P2RX3: variants seen among roughly 807,000 people sequenced by gnomAD.
P2RX3 encodes the protein P2X purinoceptor 3.
P2RX3 carries 41 observed loss-of-function variants against 51.5 expected under a neutral mutation model. The ratio of observed to expected loss-of-function variants is 0.80; its 90% CI spans 0.62 to 1.03. P2RX3 has a LOEUF of 1.03. Among genes scored for constraint, P2RX3 ranks in the 50% least tolerant of loss-of-function variants. The probability of loss-of-function intolerance (pLI) is 0.00; values close to 1 mark genes in which losing one functional copy is unlikely to be tolerated. For synonymous variants in P2RX3, 185 were observed against 191.6 expected, an observed-to-expected ratio of 0.97 and a Z score of 0.29; for missense variants, 459 against 522.1, an observed-to-expected ratio of 0.88 and a Z score of 1.18.
intron 3 of P2RX3, 39 bp from the exon 4 acceptor site, chr11:57,347,376 A>C: frequency 6.4e-7 from 1 of 1,552,218 alleles, no homozygotes; most frequent in Non-Finnish European, 8.7e-7. Flanking sequence ...CCAGGCCAGG[A>C]CAGTGTCCTT....
In P2RX3 at chr11:57,370,012, G is replaced by A. The variant is rs771201831; in HGVS notation, c.*15G>A. 11 of 1,579,882 alleles carry A rather than the reference G, an allele frequency of 7.0e-6. No individual in the cohort carries two copies. Among genetic ancestry groups the A allele is most frequent in the Non-Finnish European group, 9.6e-6 (11 of 1,150,214 alleles). On this transcript the variant is annotated 3_prime_UTR_variant, in exon 12 of 12. Transcript: ENST00000263314. ...TAGGCCACTAGGGCCTCTTTCCAGG[G>A]CCCCACACTCACAAAGGCTCCAGGC...
intron 1 of P2RX3, among the ~76,000 whole-genome samples, chr11:57,345,436 G>C (rs757955368): frequency 3.9e-5 from 6 of 152,160 alleles, no homozygotes; most frequent in South Asian, 4.1e-4. Context: ...TATGTTTCTC[G>C]GGGAGGGAGG....
chr11:57,354,416 T>G (rs1856595741), intron 8 of P2RX3, among the ~76,000 whole-genome samples: 1 of 152,176 alleles, frequency 6.6e-6, no homozygotes, highest in South Asian at 2.1e-4. Flanking sequence ...CATCTGGATT[T>G]CTAGCAGACA....
At position 57,370,110 on chromosome 11, in the gene P2RX3, C is replaced by A; in HGVS notation, c.*113C>A. ...GGGCTCTCATTTCTGCTGCTCATTC[C>A]ATGAGCATAGCTGGGACCCAAGTGT... is the stretch of plus-strand genomic sequence containing the variant. On this transcript the variant is annotated 3_prime_UTR_variant, in exon 12 of 12. Coordinates refer to ENST00000263314, the MANE Select transcript of P2RX3 (RefSeq NM_002559.5). 13 of 755,944 alleles carry A rather than the reference C, an allele frequency of 1.7e-5. No individual in the cohort carries two copies. Among genetic ancestry groups the A allele is most frequent in the Non-Finnish European group, 2.4e-5 (11 of 453,940 alleles). The allele number at this position is 755,944 out of a possible 1,614,324, so 46.8% of individuals were successfully genotyped here.
chr11:57,362,293 T>C (rs554866818), intron 8 of P2RX3, among the ~76,000 whole-genome samples: 1 of 152,252 alleles, frequency 6.6e-6, no homozygotes, highest in African/African-American at 2.4e-5. Flanking sequence ...ATAAGGCAGG[T>C]GGACTGGGCC....
chr11:57,349,723 C>A (rs766618388), intron 6 of P2RX3, 34 bp from the exon 7 acceptor site: 1 of 1,613,694 alleles, frequency 6.2e-7, no homozygotes, highest in South Asian at 1.1e-5. Context: ...TTCCCATGAA[C>A]CCTGGGCTGA....
chr11:57,360,614 A>G (rs1466429022), intron 8 of P2RX3, among the ~76,000 whole-genome samples: 1 of 150,136 alleles, frequency 6.7e-6, no homozygotes, highest in African/African-American at 2.5e-5. Flanking sequence ...AACATGGTGA[A>G]CCCCTGTCTC....
chr11:57,346,375 A>G (rs533181510), intron 1 of P2RX3, among the ~76,000 whole-genome samples, 169 bp from the exon 2 acceptor site: 2 of 152,238 alleles, frequency 1.3e-5, no homozygotes, highest in African/African-American at 2.4e-5. Context: ...GAGAAACGCT[A>G]TTCTAAGTCA....
At position 57,356,197 on chromosome 11, in the gene P2RX3, A is replaced by G. The variant is rs190257184; in HGVS notation, c.842+5299A>G. 2.0e-5 allele frequency among the ~76,000 whole-genome samples: 3 copies of G among 152,298 alleles called. No homozygotes were observed. The East Asian group carries it at 5.8e-4, about 29-fold the overall frequency. On this transcript the variant is annotated intron_variant, in intron 8 of 11. Coordinates refer to ENST00000263314, the MANE Select transcript of P2RX3 (RefSeq NM_002559.5). ...AACTTGCCTGAGATTATACAGCCTA[A>G]TTAAGAGGCACATCAGGACTCAAAC...
At chr11:57,367,545 AC>A (rs1856815430) in intron 8 of P2RX3, among the ~76,000 whole-genome samples, 1 of 152,138 alleles carries the variant, frequency 6.6e-6, no homozygotes, top group Non-Finnish European at 1.5e-5. Flanking sequence ...ACATGGTGAA[AC>A]CCTGTCTCTA....
chr11:57,362,219 G>A (rs1856731265), intron 8 of P2RX3, among the ~76,000 whole-genome samples: 1 of 152,228 alleles, frequency 6.6e-6, no homozygotes, highest in African/African-American at 2.4e-5. Flanking sequence ...TTCAGGAAAT[G>A]CAGGAAGGCA....
chr11:57,353,845 C>CCA (rs1554966917), intron 8 of P2RX3, among the ~76,000 whole-genome samples: 1 of 135,934 alleles, frequency 7.4e-6, no homozygotes, highest in African/African-American at 2.9e-5. Flanking sequence ...ACTCCCCCCC[C>CCA]CCCGCCCCTA....
chr11:57,370,053 C>A lies in P2RX3; in HGVS notation c.*56C>A, dbSNP rs570145486. On this transcript the variant is annotated 3_prime_UTR_variant, in exon 12 of 12. Transcript: ENST00000263314. ...GGCTCCAGGCCTCCCCACAGAGGAC[C>A]CTGCCTGAGCAAGGGGCATGGGAGG... 5 of 1,198,756 alleles carry A rather than the reference C, an allele frequency of 4.2e-6. No individual in the cohort carries two copies. The East Asian group carries it at 1.3e-4, about 32-fold the overall frequency. 74.3% of individuals were successfully genotyped at this position (1,198,756 alleles called of 1,614,324 possible).
chr11:57,345,883 C>T (rs185977066), intron 1 of P2RX3, among the ~76,000 whole-genome samples: 2 of 151,596 alleles, frequency 1.3e-5, no homozygotes, highest in East Asian at 1.9e-4. Flanking sequence ...CCAGCCCCCC[C>T]ACCTTCAACC....
At chr11:57,356,880 C>A (rs185160967) in intron 8 of P2RX3, among the ~76,000 whole-genome samples, 72 of 152,248 alleles carry the variant, frequency 4.7e-4, no homozygotes, top group African/African-American at 1.5e-3. Flanking sequence ...TTAGATAGCC[C>A]TTTATCATGT....
At chr11:57,346,502 T>C (rs368345386) in intron 1 of P2RX3, 42 bp from the exon 2 acceptor site, 100 of 1,607,122 alleles carry the variant, frequency 6.2e-5, no homozygotes, top group Non-Finnish European at 1.1e-5. Context: ...GCTGGGTCTA[T>C]GGACTCCTCT....
intron 8 of P2RX3, among the ~76,000 whole-genome samples, chr11:57,355,880 C>T (rs1421165243): frequency 1.3e-5 from 2 of 152,220 alleles, no homozygotes; most frequent in African/African-American, 4.8e-5. Context: ...AAGCCTATCC[C>T]GTAGCCAGGT....
At chr11:57,365,201 G>A (rs376267460) in intron 8 of P2RX3, among the ~76,000 whole-genome samples, 8 of 152,338 alleles carry the variant, frequency 5.3e-5, no homozygotes, top group African/African-American at 9.6e-5. Flanking sequence ...AACCTGAGGG[G>A]AAACAGTGGG....
At chr11:57,342,458 T>C (rs1323137333) in intron 1 of P2RX3, among the ~76,000 whole-genome samples, 2 of 152,046 alleles carry the variant, frequency 1.3e-5, no homozygotes, top group East Asian at 3.9e-4. Flanking sequence ...CATGCCTGGC[T>C]GGATGCCCCA....
Sources: allele counts gnomAD v4.1 joint callset (sites outside exome capture counted in the v4.1 genomes callset), GRCh38; gene constraint gnomAD v4.1.1; transcripts MANE v1.5; gene names NCBI Gene and HGNC (gene_info 2026-07-23, HGNC 2026-07-21).